FAR2: variants seen among roughly 807,000 people sequenced by gnomAD.
The protein encoded by FAR2 is fatty acyl-CoA reductase 2.
A neutral mutation model predicts 56.0 loss-of-function variants in FAR2; 19 were observed. That is an observed-to-expected ratio of 0.34 (90% confidence interval 0.24 to 0.50). The LOEUF is 0.50. Among genes scored for constraint, FAR2 ranks in the 20% least tolerant of loss-of-function variants. The pLI is 0.98. For synonymous variants in FAR2, 219 were observed against 218.8 expected (o/e 1.00, Z -0.01); for missense variants, 508 against 642.2 (o/e 0.79, Z 2.26).
At chr12:29,203,869 G>A (rs960557092) in intron 1 of FAR2, among the ~76,000 whole-genome samples, 37 of 151,546 alleles carry the variant, frequency 2.4e-4, no homozygotes, top group Non-Finnish European at 4.4e-4. Context: ...GCGTGGTGGC[G>A]GGCGCCTGTA....
At chr12:29,281,806 A>G (rs1316041476) in intron 2 of FAR2, among the ~76,000 whole-genome samples, 6 of 152,122 alleles carry the variant, frequency 3.9e-5, no homozygotes, top group African/African-American at 1.4e-4. Context: ...CTGAGTGCCT[A>G]CTAAGTGTCA....
At chr12:29,318,815 G>C (rs1949500615) in intron 9 of FAR2, among the ~76,000 whole-genome samples, 1 of 152,024 alleles carries the variant, frequency 6.6e-6, no homozygotes, top group African/African-American at 2.4e-5. Flanking sequence ...CAGTGTGCAT[G>C]CCTCTTTGTA....
At chr12:29,241,885 G>C (rs1019444285) in intron 1 of FAR2, among the ~76,000 whole-genome samples, 1 of 152,140 alleles carries the variant, frequency 6.6e-6, no homozygotes, top group East Asian at 1.9e-4. Flanking sequence ...CACCCCCTGG[G>C]TGCGTGCATC....
At chr12:29,283,518 A>C (rs550845199) in intron 2 of FAR2, among the ~76,000 whole-genome samples, 1 of 152,356 alleles carries the variant, frequency 6.6e-6, no homozygotes, top group East Asian at 1.9e-4. Context: ...GCAGAAATCA[A>C]TCATGAATTT....
At chr12:29,267,695 G>T (rs1215164966) in intron 1 of FAR2, among the ~76,000 whole-genome samples, 1 of 152,148 alleles carries the variant, frequency 6.6e-6, no homozygotes, top group Non-Finnish European at 1.5e-5. Flanking sequence ...ACAAAAACAA[G>T]ATCCAAAAGT....
intron 1 of FAR2, among the ~76,000 whole-genome samples, chr12:29,246,127 A>G (rs1441154177): frequency 1.3e-5 from 2 of 152,090 alleles, no homozygotes; most frequent in African/African-American, 4.8e-5. Context: ...CTATCATGGT[A>G]CATGGAAATT....
chr12:29,197,211 A>G (rs920213345), intron 1 of FAR2, among the ~76,000 whole-genome samples: 7 of 152,210 alleles, frequency 4.6e-5, no homozygotes, highest in African/African-American at 1.7e-4. Flanking sequence ...TTCATAAGCT[A>G]CTTAGTCCTT....
At chr12:29,236,413 T>C (rs1947942514) in intron 1 of FAR2, among the ~76,000 whole-genome samples, 1 of 152,112 alleles carries the variant, frequency 6.6e-6, no homozygotes, top group Non-Finnish European at 1.5e-5. Context: ...CACACTGCTA[T>C]AAAGAAATAC....
intron 3 of FAR2, among the ~76,000 whole-genome samples, chr12:29,295,990 G>A (rs1205112988): frequency 5.3e-5 from 8 of 150,022 alleles, no homozygotes; most frequent in South Asian, 4.2e-4. Context: ...GGATGGTCTC[G>A]ATCTCCTGAC....
Position 29,302,236 on chromosome 12 carries a change from GAA to G in FAR2, c.545+5061_545+5062del, listed in dbSNP as rs57752714. ...GACAGAGCGAGACTCCATCTCAAAG[GAA>G]AAAAAAAAAAAAAAAAAAAAAAAAG... On this transcript the variant is annotated intron_variant, in intron 4 of 11. Transcript: ENST00000536681. Among the ~76,000 whole-genome samples, 818 of 93,026 alleles carry G rather than the reference GAA, an allele frequency of 8.8e-3. 11 individuals are homozygous for G. The highest frequency in any genetic ancestry group is 0.022 in the African/African-American group (548 of 24,436). 61.0% of individuals were successfully genotyped at this position (93,026 alleles called of 152,430 possible). A position where few individuals can be genotyped will look rare whatever the true frequency, so the allele number is the denominator to read the frequency against.
At chr12:29,243,863 GT>G (rs1267682140) in intron 1 of FAR2, among the ~76,000 whole-genome samples, 1 of 152,170 alleles carries the variant, frequency 6.6e-6, no homozygotes, top group Admixed American at 6.5e-5. Flanking sequence ...GGCATCTGCA[GT>G]TGTTAAAAAC....
intron 1 of FAR2, among the ~76,000 whole-genome samples, chr12:29,252,242 C>T (rs1264708483): frequency 6.6e-6 from 1 of 152,090 alleles, no homozygotes; most frequent in East Asian, 1.9e-4. Flanking sequence ...TATTATCATG[C>T]CCTGTAATTA....
chr12:29,262,404 G>C (rs1948435546), intron 1 of FAR2, among the ~76,000 whole-genome samples: 1 of 152,140 alleles, frequency 6.6e-6, no homozygotes, highest in African/African-American at 2.4e-5. Flanking sequence ...ACCCAGGCAG[G>C]CAGATCACCT....
At chr12:29,232,102 C>G (rs893370173) in intron 1 of FAR2, among the ~76,000 whole-genome samples, 11 of 152,140 alleles carry the variant, frequency 7.2e-5, no homozygotes, top group African/African-American at 2.7e-4. Context: ...AGAACAAGTG[C>G]AGTTTCCAAT....
chr12:29,299,190 T>A (rs6487800), intron 4 of FAR2, among the ~76,000 whole-genome samples: 1 of 136,428 alleles, frequency 7.3e-6, no homozygotes, highest in Non-Finnish European at 1.5e-5. Context: ...CCCAGCCTGG[T>A]CAACAAGAGC....
rs897371941 is a variant in FAR2 at position 29,333,140 on chromosome 12, A to C, written c.1385+413A>C. 8 of 333,666 alleles carry C rather than the reference A, an allele frequency of 2.4e-5. No homozygotes were observed. In the Admixed American group the frequency reaches 3.5e-4, roughly 14 times the overall value. The allele number at this position is 333,666 out of a possible 1,614,324, so 20.7% of individuals were successfully genotyped here. On this transcript the variant is annotated intron_variant, in intron 11 of 11. Coordinates refer to ENST00000536681, the MANE Select transcript of FAR2 (RefSeq NM_001271783.2). ...ACTCCTCAATTTTTTCAACTTTCTTAAATTTCTTTCAGTCGTAATCCCTGA... is the reference window on the plus strand; with the variant it reads ...ACTCCTCAATTTTTTCAACTTTCTTCAATTTCTTTCAGTCGTAATCCCTGA...
chr12:29,310,391 A>G (rs1949327311), intron 6 of FAR2, among the ~76,000 whole-genome samples: 1 of 152,208 alleles, frequency 6.6e-6, no homozygotes, highest in South Asian at 2.1e-4. Flanking sequence ...AACTCAACCA[A>G]TTATTAACAT....
chr12:29,266,638 A>G (rs1948521335), intron 1 of FAR2, among the ~76,000 whole-genome samples: 1 of 152,084 alleles, frequency 6.6e-6, no homozygotes, highest in Non-Finnish European at 1.5e-5. Context: ...AAATAACTGA[A>G]AGAATATAAT....
chr12:29,259,144 G>A (rs1048925114), intron 1 of FAR2, among the ~76,000 whole-genome samples: 7 of 152,198 alleles, frequency 4.6e-5, no homozygotes, highest in African/African-American at 1.7e-4. Context: ...TAGAAAAATG[G>A]TTCATTGACA....
Sources: gnomAD v4.1 joint callset for allele counts (sites outside exome capture counted in the v4.1 genomes callset) on GRCh38, gnomAD v4.1.1 for gene constraint, MANE v1.5 for transcripts, NCBI Gene and HGNC (gene_info 2026-07-23, HGNC 2026-07-21) for gene names.